The following FRMD4B variants were observed in gnomAD, a reference collection of about 807,000 sequenced individuals.
FRMD4B encodes the protein FERM domain containing 4B.
A neutral mutation model predicts 141.5 loss-of-function variants in FRMD4B; 74 were observed. That is an observed-to-expected ratio of 0.52 (90% confidence interval 0.43 to 0.63). The LOEUF (loss-of-function observed/expected upper bound fraction) is 0.63. Ranked by LOEUF, FRMD4B falls within the 30% of genes least tolerant of loss-of-function variation. FRMD4B has a pLI of 0.00. For synonymous variants in FRMD4B, 506 were observed against 467.9 expected, an observed-to-expected ratio of 1.08 and a Z score of -1.05; for missense variants, 1,366 against 1,253.4, an observed-to-expected ratio of 1.09 and a Z score of -1.36.
At chr3:69,287,585 T>C (rs569364618) in intron 5 of FRMD4B, 167 bp downstream of exon 5, 8 of 570,588 alleles carry the variant, frequency 1.4e-5, no homozygotes, top group South Asian at 2.2e-5. Flanking sequence ...TGAGAAAAGA[T>C]ACCATTTGTG....
chr3:69,311,334 C>A lies in FRMD4B; in HGVS notation c.252G>T (p.Leu84Phe). The A allele has an allele frequency of 6.2e-7, 1 of 1,602,192 alleles. No individual in the cohort carries two copies. The highest frequency in any genetic ancestry group is 8.5e-7 in the Non-Finnish European group (1 of 1,169,954). ...TGAAATGTGAAGCCACTAGGTCCAGCAACTCTCTTGCTAGAAGTTTGGGCT... is the reference window on the plus strand; with the variant it reads ...TGAAATGTGAAGCCACTAGGTCCAGAAACTCTCTTGCTAGAAGTTTGGGCT... ...LVQPKLLARE[L>F]LDLVASHFNL... The change falls in exon 3 of 23, where the codon TTG becomes TTT. Residue 84 changes from leucine to phenylalanine, a missense_variant. Leu to Phe is a conservative substitution (Grantham distance 22, BLOSUM62 0). Coordinates refer to ENST00000398540, the MANE Select transcript of FRMD4B (RefSeq NM_015123.3).
intron 7 of FRMD4B, among the ~76,000 whole-genome samples, chr3:69,232,922 T>C (rs1480173294): frequency 1.3e-5 from 2 of 149,410 alleles, no homozygotes; most frequent in Non-Finnish European, 3.0e-5. Context: ...TTGTTTTTTT[T>C]TTTTTTTTTG....
In FRMD4B at chr3:69,170,088, A is replaced by T. The variant is rs1191723424; in HGVS notation, c.*1773T>A. The T allele has an allele frequency of 6.6e-6, 1 of 152,228 alleles. No individual in the cohort carries two copies. Among genetic ancestry groups the T allele is most frequent in the African/African-American group, 2.4e-5 (1 of 41,458 alleles). 9.4% of individuals were successfully genotyped at this position (152,228 alleles called of 1,614,324 possible). On this transcript the variant is annotated 3_prime_UTR_variant, in exon 23 of 23. Transcript: ENST00000398540. ...AATTCAAGTAGAATATGCCATCAAT[A>T]AAAAGATGAACCATGTTTTTAATGT...
intron 7 of FRMD4B, 72 bp from the exon 8 acceptor site, chr3:69,224,762 A>G: frequency 1.3e-6 from 1 of 743,392 alleles, no homozygotes; most frequent in Non-Finnish European, 2.4e-6. Flanking sequence ...TCACCAAATG[A>G]ATTAGATTAA....
intron 1 of FRMD4B, among the ~76,000 whole-genome samples, chr3:69,436,566 T>C (rs1277138283): frequency 6.6e-6 from 1 of 152,194 alleles, no homozygotes; most frequent in Non-Finnish European, 1.5e-5. Flanking sequence ...AGAATTACCA[T>C]ATGATCCAGC....
At chr3:69,473,025 A>G (rs769429542) in intron 1 of FRMD4B, among the ~76,000 whole-genome samples, 1 of 148,336 alleles carries the variant, frequency 6.7e-6, no homozygotes, top group African/African-American at 2.5e-5. Flanking sequence ...GAAATTTAAG[A>G]TCTAACTTCC....
intron 11 of FRMD4B, among the ~76,000 whole-genome samples, chr3:69,215,282 C>CTTTTTTTTTT (rs1559724064): frequency 2.7e-5 from 1 of 37,472 alleles, no homozygotes; most frequent in East Asian, 4.2e-4. Flanking sequence ...GATTGTGACC[C>CTTTTTTTTTT]TCTTTTTTTT....
intron 1 of FRMD4B, among the ~76,000 whole-genome samples, chr3:69,439,729 A>T (rs966491557): frequency 6.6e-6 from 1 of 152,186 alleles, no homozygotes; most frequent in African/African-American, 2.4e-5. Flanking sequence ...GTTTACCTCA[A>T]TTCTTTGCCA....
chr3:69,389,572 A>T (rs1250066627), upstream of FRMD4B, among the ~76,000 whole-genome samples: 1 of 152,238 alleles, frequency 6.6e-6, no homozygotes, highest in Non-Finnish European at 1.5e-5. Context: ...GCAAGACAGA[A>T]GACATCTTAT....
At chr3:69,449,791 C>T (rs17508572) in intron 1 of FRMD4B, among the ~76,000 whole-genome samples, 4,047 of 151,892 alleles carry the variant, frequency 0.027, 145 homozygotes, top group East Asian at 0.098. Flanking sequence ...TTTGGAAAAC[C>T]CAGAAAAGCA....
In FRMD4B at chr3:69,198,735, C is replaced by T. The variant is rs184573837; in HGVS notation, c.916G>A (p.Glu306Lys). ...TGAACTTCAACAGCAAATTTTTTCTCACGGAAATATAAGTTCTCCAGCTGT... is the reference window on the plus strand; with the variant it reads ...TGAACTTCAACAGCAAATTTTTTCTTACGGAAATATAAGTTCTCCAGCTGT... ...WKQLENLYFR[E>K]KKFAVEVHDP... Residue 306 changes from glutamate to lysine, a missense_variant, in exon 12 of 23, where the codon GAG (glutamate) becomes AAG (lysine). Transcript: ENST00000398540. The T allele has an allele frequency of 1.5e-4, 243 of 1,569,728 alleles. No homozygotes were observed. The highest frequency in any genetic ancestry group is 7.4e-4 in the Admixed American group (41 of 55,352).
At chr3:69,405,747 C>T (rs1166236618) in intron 2 of FRMD4B, among the ~76,000 whole-genome samples, 1 of 152,156 alleles carries the variant, frequency 6.6e-6, no homozygotes, top group Admixed American at 6.6e-5. Context: ...CCCAGTCCTA[C>T]CCTCTTTGGT....
At chr3:69,454,444 G>C (rs1410309686) in intron 1 of FRMD4B, among the ~76,000 whole-genome samples, 1 of 152,204 alleles carries the variant, frequency 6.6e-6, no homozygotes, top group Non-Finnish European at 1.5e-5. Context: ...GGAGGAAGAG[G>C]TGCAAGTGGG....
intron 6 of FRMD4B, among the ~76,000 whole-genome samples, chr3:69,249,552 C>T (rs1305067345): frequency 2.6e-5 from 4 of 152,200 alleles, no homozygotes; most frequent in Admixed American, 6.5e-5. Flanking sequence ...AAGTGGCACA[C>T]TTTTTAGACT....
intron 1 of FRMD4B, among the ~76,000 whole-genome samples, chr3:69,487,543 G>A (rs1247919209): frequency 2.0e-5 from 3 of 152,202 alleles, no homozygotes; most frequent in African/African-American, 7.2e-5. Flanking sequence ...GTGGAGGCAG[G>A]AGGAATGGAA....
chr3:69,218,984 G>A lies in FRMD4B; in HGVS notation c.732-605C>T, dbSNP rs534705689. ...TCAAGACCAGCCTGGCCAACATGCT[G>A]AAACCCCATCTCTACTAAAAATACA... On this transcript the variant is annotated intron_variant, in intron 9 of 22. Transcript: ENST00000398540. Among the ~76,000 whole-genome samples the A allele has an allele frequency of 2.6e-5, 4 of 152,182 alleles. No homozygotes were observed. In the South Asian group the frequency reaches 8.3e-4, roughly 32 times the overall value.
chr3:69,478,173 T>G lies in FRMD4B; in HGVS notation c.-128-45412A>C, dbSNP rs559447713. Among the ~76,000 whole-genome samples, 15 of 152,300 alleles carry G rather than the reference T, an allele frequency of 9.8e-5. No individual in the cohort carries two copies. In the South Asian group the frequency reaches 3.1e-3, roughly 32 times the overall value. On this transcript the variant is annotated intron_variant, in intron 1 of 5. Coordinates refer to the FRMD4B transcript ENST00000459638. ...AAAACCAGCTCCTGGATTTATTGAT[T>G]TTTTGAAGGGTTTTTTGTGTCTCTA...
At chr3:69,392,596 T>C (rs1409399176) in intron 2 of FRMD4B, among the ~76,000 whole-genome samples, 1 of 152,202 alleles carries the variant, frequency 6.6e-6, no homozygotes, top group Non-Finnish European at 1.5e-5. Context: ...GCTGTGGGAA[T>C]ATCTACATAA....
chr3:69,301,028 G>A (rs568695278), intron 4 of FRMD4B, among the ~76,000 whole-genome samples: 179 of 152,184 alleles, frequency 1.2e-3, no homozygotes, highest in African/African-American at 4.2e-3. Flanking sequence ...GAGCCACCGC[G>A]CCTGGCTAGC....
Sources: allele counts gnomAD v4.1 joint callset (sites outside exome capture counted in the v4.1 genomes callset), GRCh38; gene constraint gnomAD v4.1.1; transcripts MANE v1.5; gene names NCBI Gene and HGNC (gene_info 2026-07-23, HGNC 2026-07-21).